The following FGD1 variants were observed in gnomAD, a reference collection of about 807,000 sequenced individuals.
The protein encoded by FGD1 is FYVE, RhoGEF and PH domain containing 1, also known as FYVE, RhoGEF and PH domain-containing protein 1.
Under a neutral mutation model 65.0 loss-of-function variants are expected in FGD1, and 12 were observed. The ratio of observed to expected loss-of-function variants is 0.18; its 90% CI spans 0.12 to 0.30. The LOEUF is 0.30. FGD1 is among the 10% of genes least tolerant of loss of function. The pLI is 1.00. For synonymous variants in FGD1, 333 were observed against 343.9 expected (o/e 0.97, Z 0.35); for missense variants, 542 against 837.6 (o/e 0.65, Z 4.36).
chrX:54,481,019 G>A (rs1471288562), intron 1 of FGD1, among the ~76,000 whole-genome samples: 1 of 111,897 alleles, frequency 8.9e-6, no homozygotes, highest in Non-Finnish European at 1.9e-5. Context: ...AATGAAACTT[G>A]TGAGTCAAAT....
At chrX:54,452,608 C>T (rs1338318522) in intron 12 of FGD1, among the ~76,000 whole-genome samples, 1 of 109,909 alleles carries the variant, frequency 9.1e-6, no homozygotes, top group Non-Finnish European at 1.9e-5. Context: ...TAGCCGGGCG[C>T]GGTGGCATGC....
chrX:54,448,706 C>G, intron 16 of FGD1, 100 bp downstream of exon 16: 2 of 882,353 alleles, frequency 2.3e-6, no homozygotes, highest in Non-Finnish European at 3.2e-6. Context: ...GTCCCTTGAT[C>G]ACTACTGTTT....
At chrX:54,466,327 C>T (rs1922757452) in intron 6 of FGD1, among the ~76,000 whole-genome samples, 1 of 106,436 alleles carries the variant, frequency 9.4e-6, no homozygotes, top group Admixed American at 1.1e-4. Context: ...GGTTCACAGA[C>T]TCGTGGGGAG....
Position 54,453,411 on chromosome X carries a change from C to G in FGD1, c.2015+2037G>C, listed in dbSNP as rs184398324. On this transcript the variant is annotated intron_variant, in intron 12 of 17. Coordinates refer to ENST00000375135, the MANE Select transcript of FGD1 (RefSeq NM_004463.3). ...ACATGCATCCATCCTCTGGCCCTCA[C>G]CATGACCCTGATACCCTTTCACCTG... is the stretch of plus-strand genomic sequence containing the variant. Among the ~76,000 whole-genome samples the G allele has an allele frequency of 7.2e-5, 8 of 111,784 alleles. No individual in the cohort carries two copies. In the East Asian group the frequency reaches 2.3e-3, roughly 31 times the overall value.
chrX:54,477,084 C>T (rs2147439222), intron 1 of FGD1, among the ~76,000 whole-genome samples: 1 of 112,597 alleles, frequency 8.9e-6, no homozygotes, highest in East Asian at 2.8e-4. Context: ...CTGTGTGCAC[C>T]GTGCTCGGCA....
intron 14 of FGD1, among the ~76,000 whole-genome samples, 178 bp from the exon 15 acceptor site, chrX:54,449,446 C>T (rs1194175367): frequency 8.9e-6 from 1 of 111,811 alleles, no homozygotes; most frequent in Non-Finnish European, 1.9e-5. Flanking sequence ...AGCTGTGCTA[C>T]TGAAGACAAG....
chrX:54,476,074 A>G (rs1458656028), intron 1 of FGD1, among the ~76,000 whole-genome samples: 1 of 111,160 alleles, frequency 9.0e-6, no homozygotes, highest in Non-Finnish European at 1.9e-5. Context: ...TCAAAAACAA[A>G]CAAACAAACA....
intron 1 of FGD1, among the ~76,000 whole-genome samples, chrX:54,474,010 G>A: frequency 9.1e-6 from 1 of 110,241 alleles, no homozygotes; most frequent in South Asian, 3.9e-4. Flanking sequence ...TATACAGGAA[G>A]ATACACATAG....
chrX:54,480,068 T>A (rs768736560), intron 1 of FGD1, among the ~76,000 whole-genome samples: 14 of 112,996 alleles, frequency 1.2e-4, no homozygotes, highest in Non-Finnish European at 2.1e-4. Flanking sequence ...GCACTTTCTA[T>A]AGTGTGAAGA....
chrX:54,494,036 G>C (rs1175613377), intron 1 of FGD1, among the ~76,000 whole-genome samples: 1 of 112,717 alleles, frequency 8.9e-6, no homozygotes, highest in Non-Finnish European at 1.9e-5. Flanking sequence ...AATGTCCCCA[G>C]ATGGGGAAGG....
chrX:54,461,879 C>T (rs1394446338), intron 8 of FGD1, among the ~76,000 whole-genome samples: 1 of 110,200 alleles, frequency 9.1e-6, no homozygotes, highest in African/African-American at 3.3e-5. Context: ...ATCTAGGGTG[C>T]TCAGTTTGGC....
chrX:54,455,942 TGGA>T (rs957841722), intron 10 of FGD1, among the ~76,000 whole-genome samples, 158 bp from the exon 11 acceptor site: 1 of 112,191 alleles, frequency 8.9e-6, no homozygotes, highest in African/African-American at 3.2e-5. Context: ...AGCCTAGGCA[TGGA>T]AGACACTTCC....
At chrX:54,448,641 A>G (rs901195076) in intron 16 of FGD1, among the ~76,000 whole-genome samples, 165 bp downstream of exon 16, 1 of 112,597 alleles carries the variant, frequency 8.9e-6, no homozygotes, top group Non-Finnish European at 1.9e-5. Context: ...CTAAGTACTT[A>G]AAGATGACTG....
At chrX:54,456,602 C>A in intron 8 of FGD1, 35 bp from the exon 9 acceptor site, 6 of 1,127,575 alleles carry the variant, frequency 5.3e-6, no homozygotes, top group Non-Finnish European at 7.3e-6. Flanking sequence ...AGATGGGGGA[C>A]TAGCAGAGAG....
chrX:54,480,699 T>A lies in FGD1; in HGVS notation c.308-9212A>T, dbSNP rs1402193839. On this transcript the variant is annotated intron_variant, in intron 1 of 17. Transcript: ENST00000375135. The stretch of plus-strand genomic sequence containing the variant: ...CAGAGTGTTACTCTGTCGCCCAGGC[T>A]GGAGTGCAGTGGCGCAATCTCAGCT... Among the ~76,000 whole-genome samples the A allele has an allele frequency of 5.5e-5, 6 of 109,293 alleles. No individual in the cohort carries two copies. In the East Asian group the frequency reaches 1.7e-3, roughly 32 times the overall value. 94.9% of individuals were successfully genotyped at this position (109,293 alleles called of 115,157 possible).
rs1269737173 is a variant in FGD1, at chrX:54,471,333, T to C, written c.462A>G (p.Ala154=). The C allele has an allele frequency of 8.3e-7, 1 of 1,210,697 alleles. No homozygotes were observed. Residue 154 remains alanine, a synonymous_variant, in exon 2 of 18, where the codon GCA becomes GCG. Coordinates refer to ENST00000375135, the MANE Select transcript of FGD1 (RefSeq NM_004463.3). ...PSQRPSPLKR[A]PGPKPQVPPK... ...ACTTACCCTGTGGCTTCGGGCCCGG[T>C]GCCCGCTTCAGTGGTGAAGGACGCT...
chrX:54,458,162 T>G (rs893909838), intron 8 of FGD1, among the ~76,000 whole-genome samples: 1 of 112,321 alleles, frequency 8.9e-6, no homozygotes, highest in Non-Finnish European at 1.9e-5. Context: ...AGGAGCTTTC[T>G]CACACAGTTT....
intron 12 of FGD1, among the ~76,000 whole-genome samples, chrX:54,454,045 T>C (rs1338539699): frequency 8.9e-6 from 1 of 111,964 alleles, no homozygotes; most frequent in Non-Finnish European, 1.9e-5. Flanking sequence ...ATACCTACTA[T>C]AGAGATGCAA....
Position 54,455,516 on chromosome X carries a change from G to A in FGD1, c.1947C>T (p.Ser649=), listed in dbSNP as rs1922480170. The change falls in exon 12 of 18, where the codon AGC becomes AGT. Residue 649 remains serine, a synonymous_variant. Coordinates refer to ENST00000375135, the MANE Select transcript of FGD1 (RefSeq NM_004463.3). The part of the protein sequence containing the change: ...IDVDGMELKE[S]SNLNLPRTFL... ...AGGTTCGAGGCAGATTGAGGTTGGA[G>A]CTCTCCTTTAGCTGAATGGAGGCAG... is the stretch of plus-strand genomic sequence containing the variant. 8.3e-7 allele frequency: 1 copy of A among 1,209,556 alleles called. No individual in the cohort carries two copies. Among genetic ancestry groups the A allele is most frequent in the Non-Finnish European group, 1.1e-6 (1 of 893,276 alleles).
Sources: allele counts gnomAD v4.1 joint callset (sites outside exome capture counted in the v4.1 genomes callset), GRCh38; gene constraint gnomAD v4.1.1; transcripts MANE v1.5; gene names NCBI Gene and HGNC (gene_info 2026-07-23, HGNC 2026-07-21).